The following LYZL6 variants were observed in gnomAD, a reference collection of about 807,000 sequenced individuals.
The protein encoded by LYZL6 is lysozyme-like protein 6.
LYZL6 carries 21 observed loss-of-function variants against 15.0 expected under a neutral mutation model. The ratio of observed to expected loss-of-function variants is 1.40; its 90% CI spans 1.00 to 2.02. The LOEUF (loss-of-function observed/expected upper bound fraction) is 2.02. Ranked by LOEUF, LYZL6 falls within the 30% of genes most tolerant of loss-of-function variation. The pLI is 0.00. For synonymous variants in LYZL6, 72 were observed against 67.8 expected (o/e 1.06, Z -0.31); for missense variants, 173 against 180.5 (o/e 0.96, Z 0.24).
chr17:35,934,919 A>G, intron 4 of LYZL6, 54 bp from the exon 5 acceptor site: 1 of 1,558,472 alleles, frequency 6.4e-7, no homozygotes, highest in Non-Finnish European at 8.8e-7. Flanking sequence ...TCTTCCACAC[A>G]CATGACCCAG....
Position 35,939,474 on chromosome 17 carries a change from A to G in LYZL6, c.-118T>C. On this transcript the variant is annotated 5_prime_UTR_variant, in exon 2 of 5. Transcript: ENST00000615905. ...AGAGGGCAGCCAGGTTTCCTTACTC[A>G]CTCACTGCTCCAACCTGGCTGTTTC... is the stretch of plus-strand genomic sequence containing the variant. 2 of 910,076 alleles carry G rather than the reference A, an allele frequency of 2.2e-6. No individual in the cohort carries two copies. Among genetic ancestry groups the G allele is most frequent in the South Asian group, 3.8e-5 (2 of 52,978 alleles). 56.4% of individuals were successfully genotyped at this position (910,076 alleles called of 1,614,324 possible). A position where few individuals can be genotyped will look rare whatever the true frequency, so the allele number is the denominator to read the frequency against.
At chr17:35,942,203 C>T (rs2089429213) in intron 1 of LYZL6, among the ~76,000 whole-genome samples, 1 of 152,206 alleles carries the variant, frequency 6.6e-6, no homozygotes, top group Non-Finnish European at 1.5e-5. Flanking sequence ...TGGCTCATGC[C>T]TGTAATCCGA....
chr17:35,937,195 G>A (rs148455638), intron 3 of LYZL6, among the ~76,000 whole-genome samples: 4 of 152,348 alleles, frequency 2.6e-5, no homozygotes, highest in East Asian at 3.9e-4. Context: ...GAGGAGCCGA[G>A]GGACATCGGT....
chr17:35,939,175 C>G lies in LYZL6; in HGVS notation c.139+43G>C, dbSNP rs754330155. 11 of 1,598,496 alleles carry G rather than the reference C, an allele frequency of 6.9e-6. No homozygotes were observed. In the South Asian group the frequency reaches 1.2e-4, roughly 18 times the overall value. ...AAGAAGCTGGCCATATAGGACATGA[C>G]TAGCAGAGGAGAAATGGCTGGGGAG... is the stretch of plus-strand genomic sequence containing the variant. On this transcript the variant is annotated intron_variant, in intron 2 of 4. Transcript: ENST00000615905.
chr17:35,937,746 C>G lies in LYZL6; in HGVS notation c.298+12G>C. 1 of 1,612,874 alleles carries G rather than the reference C, an allele frequency of 6.2e-7. No homozygotes were observed. The highest frequency in any genetic ancestry group is 8.5e-7 in the Non-Finnish European group (1 of 1,179,202). ...TGCTCTCATCTCTCCCACCCTGGGG[C>G]CCTGGCCAGACCTTGACAGTCTACG... On this transcript the variant is annotated intron_variant, in intron 3 of 4. Transcript: ENST00000615905.
chr17:35,939,124 T>G (rs1056713415), intron 2 of LYZL6, 94 bp downstream of exon 2: 6 of 1,450,616 alleles, frequency 4.1e-6, no homozygotes, highest in Non-Finnish European at 5.6e-6. Flanking sequence ...TTTTTGAACT[T>G]GGCTTTGAAA....
intron 1 of LYZL6, among the ~76,000 whole-genome samples, chr17:35,942,812 G>C (rs2089433761): frequency 6.6e-6 from 1 of 152,146 alleles, no homozygotes; most frequent in Non-Finnish European, 1.5e-5. Context: ...GGCGCGCTAA[G>C]ATAGGGAAGC....
intron 2 of LYZL6, 22 bp from the exon 3 acceptor site, chr17:35,937,938 T>C (rs371219040): frequency 1.7e-5 from 27 of 1,610,002 alleles, no homozygotes; most frequent in Non-Finnish European, 2.3e-5. Flanking sequence ...GAGAAGAAGG[T>C]CAGGATTTAG....
At chr17:35,935,147 A>T (rs950973982) in intron 4 of LYZL6, among the ~76,000 whole-genome samples, 2 of 81,268 alleles carry the variant, frequency 2.5e-5, no homozygotes, top group African/African-American at 1.5e-4. Context: ...GTTACTTATT[A>T]AAAAAAAAAA....
intron 4 of LYZL6, among the ~76,000 whole-genome samples, chr17:35,935,310 T>C (rs2089361632): frequency 6.6e-6 from 1 of 152,230 alleles, no homozygotes; most frequent in Admixed American, 6.5e-5. Flanking sequence ...CTTATATATC[T>C]AGTTTGAAGC....
rs775308631 is a variant in LYZL6, at chr17:35,939,216, A to G, written c.139+2T>C. ...GGCTGGGGAGGGGCGGATGGTACTC[A>G]CAGTCACTCAGGGAGTAACCCTCAA... On this transcript the variant is annotated splice_donor_variant, in intron 2 of 4. Transcript: ENST00000615905. LOFTEE classifies it high-confidence loss of function. The G allele has an allele frequency of 3.1e-6, 5 of 1,613,430 alleles. No homozygotes were observed. The highest frequency in any genetic ancestry group is 3.4e-6 in the Non-Finnish European group (4 of 1,179,506).
chr17:35,942,186 G>T (rs993175007), intron 1 of LYZL6, among the ~76,000 whole-genome samples: 6 of 152,230 alleles, frequency 3.9e-5, no homozygotes, highest in Non-Finnish European at 1.5e-5. Context: ...AGACTGGCCA[G>T]GCATGGTGGC....
chr17:35,938,616 T>TAAA (rs11434843), intron 2 of LYZL6, among the ~76,000 whole-genome samples: 2 of 101,778 alleles, frequency 2.0e-5, no homozygotes, highest in Admixed American at 2.1e-4. Context: ...AGACTCTGTC[T>TAAA]AAAAAAAAAA....
At chr17:35,942,059 G>A (rs936205352) in intron 1 of LYZL6, among the ~76,000 whole-genome samples, 3 of 152,144 alleles carry the variant, frequency 2.0e-5, no homozygotes, top group Non-Finnish European at 4.4e-5. Context: ...GCAATATTCC[G>A]TCCAGGGATG....
In LYZL6 at chr17:35,934,872, A is replaced by G. The variant is rs1216693291; in HGVS notation, c.378-7T>C. The G allele has an allele frequency of 1.9e-6, 3 of 1,614,040 alleles. No homozygotes were observed. The African/African-American group carries it at 4.0e-5, about 22-fold the overall frequency. On this transcript the variant is annotated splice_region_variant and splice_polypyrimidine_tract_variant and intron_variant, in intron 4 of 4. Coordinates refer to ENST00000615905, the MANE Select transcript of LYZL6 (RefSeq NM_020426.4). The stretch of plus-strand genomic sequence containing the variant: ...GTGCAACCTCCATTCTACCCTGCGG[A>G]GAAAAAAGACATGGTTCTTGCCTCA...
intron 4 of LYZL6, among the ~76,000 whole-genome samples, chr17:35,936,345 G>T (rs1262496922): frequency 6.6e-6 from 1 of 152,190 alleles, no homozygotes; most frequent in Non-Finnish European, 1.5e-5. Context: ...AGCACCCTTT[G>T]TCCTTTAGAC....
At chr17:35,941,802 G>A (rs1354856861) in intron 1 of LYZL6, among the ~76,000 whole-genome samples, 2 of 152,174 alleles carry the variant, frequency 1.3e-5, no homozygotes, top group African/African-American at 4.8e-5. Flanking sequence ...ATTGGTTTGA[G>A]AACAAATCAT....
chr17:35,938,763 C>G (rs1387564086), intron 2 of LYZL6, among the ~76,000 whole-genome samples: 2 of 152,222 alleles, frequency 1.3e-5, no homozygotes, highest in Non-Finnish European at 1.5e-5. Context: ...GCTGTCCCCT[C>G]TGCCTAGAGT....
intron 1 of LYZL6, among the ~76,000 whole-genome samples, chr17:35,940,593 A>G (rs11656755): frequency 0.77 from 117,380 of 152,112 alleles, 45,304 homozygotes; most frequent in South Asian, 0.84. Context: ...AGAGTTGTAC[A>G]ACTACTACCT....
Sources: allele counts gnomAD v4.1 joint callset (sites outside exome capture counted in the v4.1 genomes callset), GRCh38; gene constraint gnomAD v4.1.1; transcripts MANE v1.5; gene names NCBI Gene and HGNC (gene_info 2026-07-23, HGNC 2026-07-21).